Variants in VPS35L observed in about 807,000 individuals in gnomAD.
VPS35L encodes VPS35 endosomal protein-sorting factor-like.
A neutral mutation model predicts 133.0 loss-of-function variants in VPS35L; 83 were observed. The observed-to-expected ratio is 0.62, with a 90% CI of 0.52 to 0.75. The LOEUF (loss-of-function observed/expected upper bound fraction) is 0.75, where lower values mean the gene tolerates loss of function less well. Ranked by LOEUF, VPS35L falls within the 30% of genes least tolerant of loss-of-function variation. VPS35L has a pLI of 0.00. For synonymous variants in VPS35L, 423 were observed against 449.9 expected, an observed-to-expected ratio of 0.94 and a Z score of 0.76; for missense variants, 1,083 against 1,206.8, an observed-to-expected ratio of 0.90 and a Z score of 1.52.
At chr16:19,578,769 A>C (rs1971616191) in intron 5 of VPS35L, 3 of 439,092 alleles carry the variant, frequency 6.8e-6, no homozygotes, top group Non-Finnish European at 1.3e-5. Flanking sequence ...TTCTTTAGGA[A>C]TAAACAGATG....
intron 27 of VPS35L, among the ~76,000 whole-genome samples, chr16:19,680,364 A>G (rs987578820): frequency 5.3e-5 from 8 of 152,232 alleles, no homozygotes; most frequent in African/African-American, 1.4e-4. Context: ...CCCAGGAGCC[A>G]GAGACAGGGC....
Position 19,608,993 on chromosome 16 carries a change from C to A in VPS35L, c.901C>A (p.Leu301Met). The change falls in exon 11 of 31, where the codon CTG (leucine) becomes ATG (methionine). Residue 301 changes from leucine (L) to methionine (M), a missense_variant. Transcript: ENST00000417362. The part of the protein sequence containing the change: ...IPRFYVEASI[L>M]KCNKFLSKTG... ...TTGTAGTTACGTGGAGGCATCCATC[C>A]TGAAATGTAACAAATTCCTCTCCAA... The A allele has an allele frequency of 6.2e-7, 1 of 1,613,942 alleles. No individual in the cohort carries two copies. The highest frequency in any genetic ancestry group is 8.5e-7 in the Non-Finnish European group (1 of 1,179,920).
At position 19,663,410 on chromosome 16, in the gene VPS35L, T is replaced by G. The variant is rs976840890; in HGVS notation, c.2222-5750T>G. Among the ~76,000 whole-genome samples, 11 of 152,326 alleles carry G rather than the reference T, an allele frequency of 7.2e-5. No individual in the cohort carries two copies. In the East Asian group the frequency reaches 2.1e-3, roughly 29 times the overall value. ...AATATTACACCTAATAGTTTGGCATTTATCTTGCCTGACCTTTCTATGCAT... is the reference window on the plus strand; with the variant it reads ...AATATTACACCTAATAGTTTGGCATGTATCTTGCCTGACCTTTCTATGCAT... On this transcript the variant is annotated intron_variant, in intron 26 of 30. Coordinates refer to ENST00000417362, the MANE Select transcript of VPS35L (RefSeq NM_020314.7).
intron 12 of VPS35L, among the ~76,000 whole-genome samples, chr16:19,611,361 C>T (rs765310526): frequency 2.0e-5 from 3 of 152,148 alleles, no homozygotes; most frequent in Non-Finnish European, 4.4e-5. Flanking sequence ...TGTCAGGACT[C>T]CCCCTAGCAA....
intron 1 of VPS35L, among the ~76,000 whole-genome samples, chr16:19,562,813 G>C (rs1380078997): frequency 6.6e-6 from 1 of 151,892 alleles, no homozygotes; most frequent in African/African-American, 2.4e-5. Flanking sequence ...GGAGTGCAGT[G>C]GTGCGATTAT....
chr16:19,635,052 C>A (rs145562867), intron 19 of VPS35L, among the ~76,000 whole-genome samples: 1 of 152,270 alleles, frequency 6.6e-6, no homozygotes, highest in Admixed American at 6.5e-5. Context: ...TCAGAAATAT[C>A]ACCATGGCCA....
intron 5 of VPS35L, among the ~76,000 whole-genome samples, chr16:19,576,702 AAG>A (rs943076719): frequency 2.0e-5 from 3 of 151,974 alleles, no homozygotes; most frequent in African/African-American, 7.3e-5. Context: ...GTTAGAAATC[AAG>A]AGAGTGGGAA....
At chr16:19,561,349 C>T (rs1971024488) in intron 1 of VPS35L, among the ~76,000 whole-genome samples, 1 of 151,920 alleles carries the variant, frequency 6.6e-6, no homozygotes, top group African/African-American at 2.4e-5. Flanking sequence ...CCAGCCTGGG[C>T]GACAGAGTGA....
rs772152443 is a variant in VPS35L, at chr16:19,616,204, T to C, written c.1101+13T>C. On this transcript the variant is annotated intron_variant, in intron 13 of 30. Transcript: ENST00000417362. The stretch of plus-strand genomic sequence containing the variant: ...TACGTTCAAACAGGTAAGAGAACAC[T>C]ATCAGAATAGCTCATCGATATAACA... The C allele has an allele frequency of 6.3e-7, 1 of 1,591,362 alleles. No individual in the cohort carries two copies. The highest frequency in any genetic ancestry group is 8.6e-7 in the Non-Finnish European group (1 of 1,159,958).
intron 26 of VPS35L, among the ~76,000 whole-genome samples, chr16:19,663,010 A>T (rs1005856152): frequency 2.0e-5 from 3 of 151,970 alleles, no homozygotes; most frequent in Non-Finnish European, 1.5e-5. Flanking sequence ...AATAATAATT[A>T]TAATGATAAT....
rs1252587615 is a variant in VPS35L at position 19,639,344 on chromosome 16, G to A, written c.1699-671G>A. 6.6e-6 allele frequency among the ~76,000 whole-genome samples: 1 copy of A among 151,934 alleles called. No homozygotes were observed. The highest frequency in any genetic ancestry group is 2.4e-5 in the African/African-American group (1 of 41,426). Reference sequence around the variant, plus strand: ...CCAATTTCGAGGCCATCTGTGAACAGCTCTACTCTGACTCTTCTTCCATTG... The same window carrying A: ...CCAATTTCGAGGCCATCTGTGAACAACTCTACTCTGACTCTTCTTCCATTG... On this transcript the variant is annotated intron_variant, in intron 20 of 30. Transcript: ENST00000417362. The surrounding 1 kb of genome is among the most constrained non-coding windows in gnomAD (Gnocchi z 4.1).
At chr16:19,666,916 CTTTCTTTCTTT>C (rs1567470439) in intron 26 of VPS35L, among the ~76,000 whole-genome samples, 90 of 105,210 alleles carry the variant, frequency 8.6e-4, no homozygotes, top group Non-Finnish European at 1.4e-3. Context: ...TTCTTTCTTT[CTTTCTTTCTTT>C]CTTTCTTCCT....
At chr16:19,683,931 G>A (rs1435396253) in intron 28 of VPS35L, among the ~76,000 whole-genome samples, 1 of 152,190 alleles carries the variant, frequency 6.6e-6, no homozygotes, top group Non-Finnish European at 1.5e-5. Flanking sequence ...AGAGTGTTAA[G>A]TGTTCTCTTT....
intron 24 of VPS35L, among the ~76,000 whole-genome samples, chr16:19,649,638 C>CTTTT (rs1213096487): frequency 7.9e-5 from 12 of 152,184 alleles, no homozygotes; most frequent in African/African-American, 2.9e-4. Flanking sequence ...TGTGAGTTTG[C>CTTTT]TGCAGCACCC....
At chr16:19,575,644 C>T (rs1315479511) in intron 5 of VPS35L, among the ~76,000 whole-genome samples, 1 of 150,552 alleles carries the variant, frequency 6.6e-6, no homozygotes, top group Non-Finnish European at 1.5e-5. Context: ...AGGCAGATCG[C>T]CTGAGGTCAG....
chr16:19,648,313 T>C (rs1974018005), intron 24 of VPS35L, among the ~76,000 whole-genome samples: 1 of 152,186 alleles, frequency 6.6e-6, no homozygotes, highest in African/African-American at 2.4e-5. Context: ...CTCTATGGTA[T>C]GAAAGGTGGT....
At chr16:19,645,078 G>A in intron 23 of VPS35L, 129 bp downstream of exon 23, 4 of 525,750 alleles carry the variant, frequency 7.6e-6, no homozygotes, top group Admixed American at 3.5e-5. Flanking sequence ...AATGAAATTA[G>A]AAAACATCTT....
rs181536102 is a variant in VPS35L at position 19,580,249 on chromosome 16, G to A, written c.510+1121G>A. Among the ~76,000 whole-genome samples, 308 of 151,012 alleles carry A rather than the reference G, an allele frequency of 2.0e-3. 3 individuals are homozygous for A. The highest frequency in any genetic ancestry group is 3.5e-3 in the Non-Finnish European group (234 of 67,796). On this transcript the variant is annotated intron_variant, in intron 6 of 30. Transcript: ENST00000417362. ...CTGCCTCAGCCTCCCGAGTAACTGG[G>A]ATTACAGGCACGCGCCACCGTGCCC...
At chr16:19,570,153 A>G (rs1463552989) in intron 3 of VPS35L, among the ~76,000 whole-genome samples, 1 of 151,766 alleles carries the variant, frequency 6.6e-6, no homozygotes, top group African/African-American at 2.4e-5. Context: ...GCAGCCTCCG[A>G]CTCCGGGTTC....
Sources: gnomAD v4.1 joint callset for allele counts (sites outside exome capture counted in the v4.1 genomes callset) on GRCh38, gnomAD v4.1.1 for gene constraint, Gnocchi (gnomAD v3.1) non-coding constraint, MANE v1.5 for transcripts, NCBI Gene and HGNC (gene_info 2026-07-23, HGNC 2026-07-21) for gene names.